Variants in NKAIN3 observed in about 807,000 individuals in gnomAD.
The protein encoded by NKAIN3 is sodium/potassium-transporting ATPase subunit beta-1-interacting protein 3.
In NKAIN3, 25 loss-of-function variants were observed where a neutral mutation model predicts 30.2. The ratio of observed to expected loss-of-function variants is 0.83; its 90% CI spans 0.60 to 1.16. The LOEUF (loss-of-function observed/expected upper bound fraction) is 1.16. NKAIN3 is among the 50% of genes most tolerant of loss of function. The probability of loss-of-function intolerance (pLI) is 0.00; values close to 1 mark genes in which losing one functional copy is unlikely to be tolerated. For missense variants in NKAIN3, 225 were observed against 254.1 expected (o/e 0.89, Z 0.78); for synonymous variants, 91 against 89.6 (o/e 1.02, Z -0.09).
intron 1 of NKAIN3, among the ~76,000 whole-genome samples, chr8:62,503,490 C>T (rs1157452688): frequency 1.3e-5 from 2 of 152,114 alleles, no homozygotes; most frequent in African/African-American, 4.8e-5. Context: ...GAGCAGAGAA[C>T]TGGTCTGACC....
intron 1 of NKAIN3, among the ~76,000 whole-genome samples, chr8:62,356,808 C>A (rs538126375): frequency 2.6e-5 from 4 of 152,230 alleles, no homozygotes; most frequent in Admixed American, 2.0e-4. Context: ...ATAAAGAAAT[C>A]TCCTCTTAAT....
At chr8:62,446,270 A>G (rs1402366881) in intron 1 of NKAIN3, among the ~76,000 whole-genome samples, 1 of 152,182 alleles carries the variant, frequency 6.6e-6, no homozygotes, top group Non-Finnish European at 1.5e-5. Context: ...AGACACGATT[A>G]TAACACTGAA....
intron 1 of NKAIN3, among the ~76,000 whole-genome samples, chr8:62,339,040 G>A (rs1815656769): frequency 6.6e-6 from 1 of 152,000 alleles, no homozygotes; most frequent in Non-Finnish European, 1.5e-5. Flanking sequence ...TCTCTGCTCT[G>A]AGTAGTTGGC....
chr8:62,907,612 C>G (rs984370451), intron 4 of NKAIN3, among the ~76,000 whole-genome samples: 1 of 152,156 alleles, frequency 6.6e-6, no homozygotes, highest in Non-Finnish European at 1.5e-5. Context: ...AGACTTGGTG[C>G]CCTGCATCCC....
chr8:62,549,613 A>G (rs1036516285), intron 1 of NKAIN3, among the ~76,000 whole-genome samples: 1 of 152,108 alleles, frequency 6.6e-6, no homozygotes. Flanking sequence ...GGCTAATGGC[A>G]GTAGATAAAT....
At chr8:62,415,383 A>G (rs1046933422) in intron 1 of NKAIN3, among the ~76,000 whole-genome samples, 20 of 149,406 alleles carry the variant, frequency 1.3e-4, no homozygotes, top group African/African-American at 4.9e-4. Context: ...AGTCTGGATT[A>G]TAATAATTGC....
chr8:62,851,741 T>C (rs919289105), intron 4 of NKAIN3, among the ~76,000 whole-genome samples: 3 of 152,248 alleles, frequency 2.0e-5, no homozygotes, highest in African/African-American at 7.2e-5. Context: ...TGGTTCTGTT[T>C]ATATGCTGGA....
At chr8:62,461,409 T>C (rs1805997605) in intron 1 of NKAIN3, among the ~76,000 whole-genome samples, 1 of 152,176 alleles carries the variant, frequency 6.6e-6, no homozygotes, top group Admixed American at 6.5e-5. Flanking sequence ...ATCCAGTTCT[T>C]AAATACCACG....
At chr8:62,566,327 A>C (rs1809748685) in intron 1 of NKAIN3, among the ~76,000 whole-genome samples, 1 of 152,054 alleles carries the variant, frequency 6.6e-6, no homozygotes, top group Non-Finnish European at 1.5e-5. Flanking sequence ...ATAATATTTT[A>C]TTATAATTAT....
intron 1 of NKAIN3, among the ~76,000 whole-genome samples, chr8:62,559,123 A>T (rs1461675245): frequency 6.6e-6 from 1 of 152,054 alleles, no homozygotes; most frequent in Non-Finnish European, 1.5e-5. Context: ...ATAGAAATTG[A>T]AAAGAATATG....
intron 1 of NKAIN3, among the ~76,000 whole-genome samples, chr8:62,552,274 C>G (rs566264129): frequency 2.0e-4 from 31 of 152,202 alleles, no homozygotes; most frequent in African/African-American, 6.7e-4. Context: ...ACTCTGCTTC[C>G]AGATCGTCAC....
intron 4 of NKAIN3, among the ~76,000 whole-genome samples, chr8:62,888,459 C>T (rs955918322): frequency 6.6e-6 from 1 of 152,130 alleles, no homozygotes; most frequent in African/African-American, 2.4e-5. Flanking sequence ...TCATCAATTA[C>T]GGTCCAAAGT....
intron 1 of NKAIN3, among the ~76,000 whole-genome samples, chr8:62,560,793 G>A (rs531289835): frequency 3.6e-4 from 54 of 151,688 alleles, no homozygotes; most frequent in African/African-American, 1.2e-3. Flanking sequence ...CACCCGTCTC[G>A]GCCTCCCAAA....
At chr8:62,526,684 A>T (rs904942756) in intron 1 of NKAIN3, among the ~76,000 whole-genome samples, 3 of 152,106 alleles carry the variant, frequency 2.0e-5, no homozygotes, top group African/African-American at 7.2e-5. Context: ...ATTACAGAAC[A>T]TTAGATCTAA....
chr8:62,427,365 G>A (rs967706665), intron 1 of NKAIN3, among the ~76,000 whole-genome samples: 4 of 151,964 alleles, frequency 2.6e-5, no homozygotes, highest in Non-Finnish European at 4.4e-5. Flanking sequence ...AAAAGCTTCT[G>A]AGGCTATGAT....
intron 4 of NKAIN3, among the ~76,000 whole-genome samples, chr8:62,824,636 A>C (rs945213900): frequency 2.6e-5 from 4 of 152,136 alleles, no homozygotes; most frequent in African/African-American, 9.7e-5. Context: ...TTCATGGGAG[A>C]AACATGAGCC....
intron 3 of NKAIN3, among the ~76,000 whole-genome samples, chr8:62,718,373 T>C (rs935949017): frequency 1.8e-4 from 28 of 152,228 alleles, no homozygotes; most frequent in Admixed American, 2.6e-4. Context: ...CCCCAGTACT[T>C]TGTTTCCAGA....
intron 1 of NKAIN3, among the ~76,000 whole-genome samples, chr8:62,260,973 T>A (rs1002623081): frequency 1.3e-5 from 2 of 152,124 alleles, no homozygotes; most frequent in Non-Finnish European, 2.9e-5. Context: ...CAATTGTACA[T>A]CCAGTGACAT....
chr8:62,730,036 A>G (rs1268154728), intron 3 of NKAIN3, among the ~76,000 whole-genome samples: 1 of 152,238 alleles, frequency 6.6e-6, no homozygotes, highest in Non-Finnish European at 1.5e-5. Flanking sequence ...ACAATAACAA[A>G]TAATACCAAG....
Sources: gnomAD v4.1 joint callset for allele counts (sites outside exome capture counted in the v4.1 genomes callset) on GRCh38, gnomAD v4.1.1 for gene constraint, MANE v1.5 for transcripts, NCBI Gene and HGNC (gene_info 2026-07-23, HGNC 2026-07-21) for gene names.